The following SHCBP1L variants were observed in gnomAD, a reference collection of about 807,000 sequenced individuals.
SHCBP1L encodes the protein testicular spindle-associated protein SHCBP1L.
SHCBP1L carries 67 observed loss-of-function variants against 62.5 expected under a neutral mutation model. The observed-to-expected ratio is 1.07, with a 90% CI of 0.88 to 1.31. SHCBP1L has a LOEUF of 1.31. Among genes scored for constraint, SHCBP1L ranks in the 40% most tolerant of loss-of-function variants. The pLI, the probability that SHCBP1L is intolerant of heterozygous loss-of-function variation, is 0.00. For synonymous variants in SHCBP1L, 284 were observed against 289.4 expected (o/e 0.98, Z 0.19); for missense variants, 823 against 809.8 (o/e 1.02, Z -0.20).
intron 2 of SHCBP1L, among the ~76,000 whole-genome samples, chr1:182,948,660 G>A (rs945761312): frequency 3.3e-5 from 5 of 152,142 alleles, no homozygotes; most frequent in Admixed American, 6.5e-5. Flanking sequence ...TAATAAATTT[G>A]TATTCTTTGA....
In SHCBP1L at chr1:182,900,197, T is replaced by C. The variant is rs1649784385; in HGVS notation, c.1748A>G (p.His583Arg). The change falls in exon 10 of 10, where the codon CAT (histidine) becomes CGT (arginine). Residue 583 changes from histidine (H) to arginine (R), a missense_variant. By Grantham distance (29) the His-to-Arg change is conservative. Transcript: ENST00000367547. ...PAPKLKMTNN[H>R]IYSNKGYGVS... ...TCCATAGCCTTTGTTGCTATAAATA[T>C]GATTATTAGTCATCTTCAATTTGGG... 2 of 1,594,362 alleles carry C rather than the reference T, an allele frequency of 1.3e-6. No homozygotes were observed. The highest frequency in any genetic ancestry group is 1.3e-5 in the African/African-American group (1 of 74,114).
intron 2 of SHCBP1L, among the ~76,000 whole-genome samples, chr1:182,947,260 C>G (rs762522186): frequency 3.5e-5 from 5 of 142,398 alleles, no homozygotes; most frequent in Non-Finnish European, 7.5e-5. Context: ...AAAAAAAAAT[C>G]ACAATGATCA....
chr1:182,952,705 T>A, intron 1 of SHCBP1L, 24 bp downstream of exon 1: 2 of 1,574,060 alleles, frequency 1.3e-6, no homozygotes, highest in Non-Finnish European at 1.7e-6. Flanking sequence ...CCGACCGTAG[T>A]CTTCCTGTCC....
At chr1:182,938,870 A>G (rs1349897815) in intron 5 of SHCBP1L, among the ~76,000 whole-genome samples, 1 of 152,200 alleles carries the variant, frequency 6.6e-6, no homozygotes, top group African/African-American at 2.4e-5. Context: ...TTTGCTTCAC[A>G]TATTATATAT....
In SHCBP1L at chr1:182,929,715, T is replaced by C. The variant is rs941576399; in HGVS notation, c.1114A>G (p.Arg372Gly). ...TTTCCAAATTCTCTTTTTCCTTTCC[T>C]ACGCCTCAGAATTCTTGGAAAGAAA... ...GPFFPRILRR[R>G]KGKREFGKTI... Residue 372 changes from arginine to glycine, a missense_variant, in exon 6 of 10, where the codon AGG (arginine) becomes GGG (glycine). Physicochemically the swap from Arg to Gly is moderately radical, Grantham distance 125 (BLOSUM62 -2). Coordinates refer to ENST00000367547, the MANE Select transcript of SHCBP1L (RefSeq NM_030933.4). 1.3e-6 allele frequency: 2 copies of C among 1,592,906 alleles called. No individual in the cohort carries two copies. Among genetic ancestry groups the C allele is most frequent in the Non-Finnish European group, 1.7e-6 (2 of 1,174,794 alleles).
intron 5 of SHCBP1L, among the ~76,000 whole-genome samples, chr1:182,938,233 G>C (rs1571354748): frequency 2.0e-5 from 3 of 149,070 alleles, no homozygotes; most frequent in Non-Finnish European, 4.5e-5. Context: ...TCAGCCTCCC[G>C]AGTAGCTGGG....
chr1:182,911,571 T>C (rs1650188846), intron 6 of SHCBP1L, among the ~76,000 whole-genome samples: 1 of 152,188 alleles, frequency 6.6e-6, no homozygotes, highest in Non-Finnish European at 1.5e-5. Flanking sequence ...TTAACTCTAC[T>C]GTTTTAAGTG....
chr1:182,918,123 CGT>C (rs562390772), intron 6 of SHCBP1L, among the ~76,000 whole-genome samples: 59 of 142,752 alleles, frequency 4.1e-4, no homozygotes, highest in Non-Finnish European at 6.5e-4. Flanking sequence ...CACATATATA[CGT>C]GTGTGTGTAT....
In SHCBP1L at chr1:182,905,490, G is replaced by A; in HGVS notation, c.1336+6C>T. ...TAAAAAAAACTACAAAGGATGCCCT[G>A]CTAACCCTTTATAATGATGTCATCT... On this transcript the variant is annotated splice_donor_region_variant and intron_variant, in intron 7 of 9. Coordinates refer to ENST00000367547, the MANE Select transcript of SHCBP1L (RefSeq NM_030933.4). The A allele has an allele frequency of 6.2e-7, 1 of 1,613,338 alleles. No individual in the cohort carries two copies. The highest frequency in any genetic ancestry group is 8.5e-7 in the Non-Finnish European group (1 of 1,179,674).
intron 2 of SHCBP1L, among the ~76,000 whole-genome samples, chr1:182,950,223 T>C (rs866896434): frequency 5.9e-5 from 9 of 152,218 alleles, no homozygotes; most frequent in Non-Finnish European, 1.2e-4. Flanking sequence ...ACTAACTATC[T>C]GGGGTAAGGG....
At chr1:182,952,275 T>TAC (rs1442637187) in intron 1 of SHCBP1L, among the ~76,000 whole-genome samples, 1 of 127,036 alleles carries the variant, frequency 7.9e-6, no homozygotes, top group Non-Finnish European at 1.6e-5. Context: ...TATATATATA[T>TAC]ACACACACAT....
chr1:182,944,608 T>C (rs1332530293), intron 2 of SHCBP1L: 1 of 152,206 alleles, frequency 6.6e-6, no homozygotes, highest in Non-Finnish European at 1.5e-5. Context: ...TAGCTGATTA[T>C]TTTTTGACAT....
At chr1:182,924,349 A>G (rs2101935570) in intron 6 of SHCBP1L, among the ~76,000 whole-genome samples, 1 of 146,910 alleles carries the variant, frequency 6.8e-6, no homozygotes, top group East Asian at 2.0e-4. Flanking sequence ...CCCAGGCTGG[A>G]GTGCAGTGGC....
At chr1:182,948,161 A>G (rs975587187) in intron 2 of SHCBP1L, among the ~76,000 whole-genome samples, 5 of 152,180 alleles carry the variant, frequency 3.3e-5, no homozygotes, top group Admixed American at 2.6e-4. Context: ...CGGATTTTTG[A>G]CTGTGCAGGG....
At chr1:182,918,139 T>C (rs1269501939) in intron 6 of SHCBP1L, among the ~76,000 whole-genome samples, 1 of 147,710 alleles carries the variant, frequency 6.8e-6, no homozygotes, top group Non-Finnish European at 1.5e-5. Context: ...TGTGTATATA[T>C]ATACACATAT....
At position 182,952,235 on chromosome 1, in the gene SHCBP1L, T is replaced by TACAC. The variant is rs68031715; in HGVS notation, c.405+490_405+493dup. On this transcript the variant is annotated intron_variant, in intron 1 of 9. Coordinates refer to ENST00000367547, the MANE Select transcript of SHCBP1L (RefSeq NM_030933.4). ...ATATATATATATATATATATATATA[T>TACAC]ACACACACACACACACACACACACA... Among the ~76,000 whole-genome samples the TACAC allele has an allele frequency of 3.0e-3, 128 of 42,794 alleles. 2 individuals are homozygous for TACAC. Among genetic ancestry groups the TACAC allele is most frequent in the African/African-American group, 4.9e-3 (43 of 8,734 alleles). The allele number at this position is 42,794 out of a possible 152,430, so 28.1% of individuals were successfully genotyped here.
chr1:182,952,803 C>G lies in SHCBP1L; in HGVS notation c.331G>C (p.Val111Leu). 1.2e-6 allele frequency: 2 copies of G among 1,612,776 alleles called. No homozygotes were observed. The highest frequency in any genetic ancestry group is 1.7e-6 in the Non-Finnish European group (2 of 1,179,532). The change falls in exon 1 of 10, where the codon GTG becomes CTG. Residue 111 changes from valine to leucine, a missense_variant. Transcript: ENST00000367547. ...CGCCACATCCCCCTCATACGGGACA[C>G]GCAGACTGGGGGCAGGGGCTGCGCC... The part of the protein sequence containing the change: ...EEAQPLPPVC[V>L]SRMRGMWRDE...
intron 6 of SHCBP1L, among the ~76,000 whole-genome samples, chr1:182,925,668 T>C (rs1481381697): frequency 6.6e-6 from 1 of 152,182 alleles, no homozygotes; most frequent in Non-Finnish European, 1.5e-5. Context: ...CAATTCCTCA[T>C]AAAGTTGCAC....
intron 1 of SHCBP1L, among the ~76,000 whole-genome samples, chr1:182,951,745 T>C (rs948815058): frequency 6.6e-6 from 1 of 152,142 alleles, no homozygotes; most frequent in Non-Finnish European, 1.5e-5. Context: ...TTTTTATAAA[T>C]ATCACTGCAG....
Sources: allele counts gnomAD v4.1 joint callset (sites outside exome capture counted in the v4.1 genomes callset), GRCh38; gene constraint gnomAD v4.1.1; transcripts MANE v1.5; gene names NCBI Gene and HGNC (gene_info 2026-07-23, HGNC 2026-07-21).